The following ZNF277 variants were observed in gnomAD, a reference collection of about 807,000 sequenced individuals.
The protein encoded by ZNF277 is zinc finger protein 277.
ZNF277 carries 55 observed loss-of-function variants against 60.7 expected under a neutral mutation model. The observed-to-expected ratio is 0.91, with a 90% CI of 0.73 to 1.13. The LOEUF is 1.13. ZNF277 is among the 50% of genes most tolerant of loss of function. The probability of loss-of-function intolerance (pLI) is 0.00; values close to 1 mark genes in which losing one functional copy is unlikely to be tolerated. For synonymous variants in ZNF277, 178 were observed against 179.3 expected, an observed-to-expected ratio of 0.99 and a Z score of 0.06; for missense variants, 510 against 523.0, an observed-to-expected ratio of 0.98 and a Z score of 0.24.
intron 1 of ZNF277, among the ~76,000 whole-genome samples, chr7:112,215,619 C>T (rs1821859439): frequency 6.6e-6 from 1 of 152,164 alleles, no homozygotes; most frequent in Non-Finnish European, 1.5e-5. Context: ...GCATGCCTTG[C>T]CAGAGGCGCT....
intron 8 of ZNF277, 78 bp downstream of exon 8, chr7:112,336,249 T>A (rs1793332511): frequency 3.0e-6 from 4 of 1,323,356 alleles, no homozygotes; most frequent in Non-Finnish European, 4.2e-6. Context: ...GTTTAAATTA[T>A]GAAGCGGGAA....
rs1790972712 is a variant in ZNF277, at chr7:112,242,179, G to A, written c.91+35372G>A. ...TTAAAAAAAGATAATCTCAATAGGT[G>A]CTGAAAGAGTATACAGTACAATTCA... On this transcript the variant is annotated intron_variant, in intron 1 of 11. Coordinates refer to ENST00000361822, the MANE Select transcript of ZNF277 (RefSeq NM_021994.3). Among the ~76,000 whole-genome samples, 5 of 152,054 alleles carry A rather than the reference G, an allele frequency of 3.3e-5. No homozygotes were observed. The South Asian group carries it at 1.0e-3, about 32-fold the overall frequency.
At chr7:112,221,677 G>A (rs1326032790) in intron 1 of ZNF277, among the ~76,000 whole-genome samples, 1 of 152,154 alleles carries the variant, frequency 6.6e-6, no homozygotes, top group Non-Finnish European at 1.5e-5. Context: ...TAAGGAGTGT[G>A]CAACCTAGAT....
chr7:112,309,000 T>C lies in ZNF277; in HGVS notation c.466-9182T>C, dbSNP rs117458635. ...TTTGTTCAGATTCTTCTGTTTATCT[T>C]TGTGTCTTCAGAGATAAGGATGTTC... On this transcript the variant is annotated intron_variant, in intron 4 of 11. Transcript: ENST00000361822. 2.6e-3 allele frequency among the ~76,000 whole-genome samples: 396 copies of C among 152,206 alleles called. 2 individuals are homozygous for C. Among genetic ancestry groups the C allele is most frequent in the Non-Finnish European group, 3.8e-3 (257 of 67,980 alleles).
chr7:112,240,778 G>C lies in ZNF277; in HGVS notation c.91+33971G>C, dbSNP rs116465510. ...AGAAAGGACAGTTTCTTCAACAAAT[G>C]ATTCTGGGAAAACGATATCCATATG... On this transcript the variant is annotated intron_variant, in intron 1 of 11. Transcript: ENST00000361822. 5.2e-3 allele frequency among the ~76,000 whole-genome samples: 796 copies of C among 152,258 alleles called. 8 individuals are homozygous for C. The highest frequency in any genetic ancestry group is 0.018 in the African/African-American group (735 of 41,558).
chr7:112,221,163 T>C (rs1318268722), intron 1 of ZNF277, among the ~76,000 whole-genome samples: 3 of 152,150 alleles, frequency 2.0e-5, no homozygotes, highest in Admixed American at 6.5e-5. Context: ...GGCTAAAGGC[T>C]GGCCATCGTT....
chr7:112,312,748 G>C (rs1251788296), intron 4 of ZNF277, among the ~76,000 whole-genome samples: 2 of 152,002 alleles, frequency 1.3e-5, no homozygotes, highest in South Asian at 4.1e-4. Context: ...AAAAATAGAA[G>C]AGTAGCAAAG....
intron 1 of ZNF277, among the ~76,000 whole-genome samples, chr7:112,233,876 G>A (rs948522359): frequency 1.3e-5 from 2 of 151,502 alleles, no homozygotes; most frequent in Admixed American, 6.6e-5. Context: ...TTTGGTAATA[G>A]GTCTAATATG....
chr7:112,222,616 C>A (rs1822062098), intron 1 of ZNF277, among the ~76,000 whole-genome samples: 1 of 151,962 alleles, frequency 6.6e-6, no homozygotes, highest in Admixed American at 6.6e-5. Context: ...TTTTGTGTAT[C>A]TTTTCCAGAA....
chr7:112,265,228 C>G (rs1430233291), intron 1 of ZNF277, among the ~76,000 whole-genome samples: 1 of 152,114 alleles, frequency 6.6e-6, no homozygotes, highest in East Asian at 1.9e-4. Flanking sequence ...TTAATCATTT[C>G]TAGCTTTTGA....
intron 1 of ZNF277, among the ~76,000 whole-genome samples, chr7:112,267,290 T>C (rs944666878): frequency 2.6e-5 from 4 of 152,220 alleles, no homozygotes; most frequent in African/African-American, 4.8e-5. Context: ...CATTTCTGTA[T>C]TTTATTTAGT....
intron 1 of ZNF277, among the ~76,000 whole-genome samples, chr7:112,259,101 C>T (rs1016970691): frequency 6.6e-6 from 1 of 152,062 alleles, no homozygotes; most frequent in Admixed American, 6.5e-5. Context: ...AGGTAATAAA[C>T]CAGGCTTGTT....
Position 112,306,468 on chromosome 7 carries a change from G to A in ZNF277, c.465+10157G>A, listed in dbSNP as rs1206809464. 9.2e-5 allele frequency among the ~76,000 whole-genome samples: 14 copies of A among 152,016 alleles called. 1 individual carries two copies. Among genetic ancestry groups the A allele is most frequent in the South Asian group, 2.1e-4 (1 of 4,814 alleles). Reference sequence around the variant, plus strand: ...GACCTCAGGTGATTGGCCCGCCTCGGCCTCCCAAAGTGTTGGGATTATAGG... The same window carrying A: ...GACCTCAGGTGATTGGCCCGCCTCGACCTCCCAAAGTGTTGGGATTATAGG... On this transcript the variant is annotated intron_variant, in intron 4 of 11. Transcript: ENST00000361822.
At chr7:112,224,277 T>A (rs1490303276) in intron 1 of ZNF277, among the ~76,000 whole-genome samples, 1 of 152,180 alleles carries the variant, frequency 6.6e-6, no homozygotes, top group East Asian at 1.9e-4. Context: ...CACTAACACT[T>A]ACAATAGATA....
Position 112,307,824 on chromosome 7 carries a change from C to CT in ZNF277, c.466-10350dup, listed in dbSNP as rs544735577. 5.1e-4 allele frequency among the ~76,000 whole-genome samples: 77 copies of CT among 151,478 alleles called. 1 individual carries two copies. The East Asian group carries it at 9.7e-3, about 19-fold the overall frequency. On this transcript the variant is annotated intron_variant, in intron 4 of 11. Transcript: ENST00000361822. ...GTGCTACTTTTGGCTAAGGTAGATG[C>CT]TTTTTTTTCCATTTTATAGAGTTCT...
chr7:112,322,498 A>G (rs946075479), intron 5 of ZNF277, among the ~76,000 whole-genome samples: 6 of 151,286 alleles, frequency 4.0e-5, no homozygotes, highest in Admixed American at 1.3e-4. Context: ...CAAAATTTCT[A>G]TTGGTTGTCT....
chr7:112,233,586 A>G (rs1822400172), intron 1 of ZNF277, among the ~76,000 whole-genome samples: 1 of 152,182 alleles, frequency 6.6e-6, no homozygotes, highest in African/African-American at 2.4e-5. Context: ...TTATGCAATG[A>G]TATTACTCCC....
chr7:112,266,349 G>T (rs1447027795), intron 1 of ZNF277, among the ~76,000 whole-genome samples: 1 of 152,066 alleles, frequency 6.6e-6, no homozygotes, highest in African/African-American at 2.4e-5. Flanking sequence ...GTTTCGCCAT[G>T]TTGGCCTGGC....
intron 1 of ZNF277, among the ~76,000 whole-genome samples, chr7:112,259,507 C>T (rs796759269): frequency 2.6e-5 from 4 of 152,252 alleles, no homozygotes; most frequent in African/African-American, 9.6e-5. Context: ...ATAGAGGATG[C>T]CTTTTCTAAA....
Sources: allele counts gnomAD v4.1 joint callset (sites outside exome capture counted in the v4.1 genomes callset), GRCh38; gene constraint gnomAD v4.1.1; transcripts MANE v1.5; gene names NCBI Gene and HGNC (gene_info 2026-07-23, HGNC 2026-07-21).